SHROOM3: variants seen among roughly 807,000 people sequenced by gnomAD.
SHROOM3 encodes shroom family member 3.
SHROOM3 carries 47 observed loss-of-function variants against 138.6 expected under a neutral mutation model. The ratio of observed to expected loss-of-function variants is 0.34; its 90% CI spans 0.27 to 0.43. The LOEUF (loss-of-function observed/expected upper bound fraction) is 0.43. Among genes scored for constraint, SHROOM3 ranks in the 20% least tolerant of loss-of-function variants. SHROOM3 has a pLI of 1.00. For missense variants in SHROOM3, 2,491 were observed against 2,596.5 expected (o/e 0.96, Z 0.88); for synonymous variants, 1,062 against 1,063.3 (o/e 1.00, Z 0.02).
chr4:76,730,073 C>G (rs1219717036), intron 3 of SHROOM3, among the ~76,000 whole-genome samples: 2 of 152,230 alleles, frequency 1.3e-5, no homozygotes, highest in African/African-American at 4.8e-5. Context: ...CTCTGACTTT[C>G]TATAGTCCTT....
rs753467194 is a variant in SHROOM3, at chr4:76,740,820, G to A, written c.2647G>A (p.Ala883Thr). Reference sequence around the variant, plus strand: ...CGGCCGTGGCCCCCAGAGGCCGGACGCTCGGCTCCTCCGTAGCCAGAGCAC... The same window carrying A: ...CGGCCGTGGCCCCCAGAGGCCGGACACTCGGCTCCTCCGTAGCCAGAGCAC... ...DSGRGPQRPD[A>T]RLLRSQSTFQ... Residue 883 changes from alanine (A) to threonine (T), a missense_variant, in exon 5 of 11, where the codon GCT becomes ACT. By Grantham distance (58) the Ala-to-Thr change is moderately conservative (BLOSUM62 0). This residue lies in a region of SHROOM3 where 1,733 missense variants were observed against 1,661.6 expected (regional missense o/e 1.04). Coordinates refer to ENST00000296043, the MANE Select transcript of SHROOM3 (RefSeq NM_020859.4). This position sits in a 1 kb window ranked among gnomAD's most constrained non-coding sequence, Gnocchi z 4.0. 19 of 1,602,884 alleles carry A rather than the reference G, an allele frequency of 1.2e-5. No homozygotes were observed. Among genetic ancestry groups the A allele is most frequent in the Middle Eastern group, 1.7e-4 (1 of 5,888 alleles).
At position 76,555,623 on chromosome 4, in the gene SHROOM3, C is replaced by A. The variant is rs1733468435; in HGVS notation, c.183C>A (p.Gly61=). 6.2e-7 allele frequency: 1 copy of A among 1,613,710 alleles called. No individual in the cohort carries two copies. Among genetic ancestry groups the A allele is most frequent in the Non-Finnish European group, 8.5e-7 (1 of 1,179,992 alleles). Residue 61 remains glycine, a synonymous_variant, in exon 2 of 11, where the codon GGC becomes GGA. Transcript: ENST00000296043. ...PLIISKVEEG[G]KADTLSSKLQ... ...CCTCCAAGCAGGTCGAAGAAGGGGG[C>A]AAAGCAGACACCCTGAGCTCCAAAC... is the stretch of plus-strand genomic sequence containing the variant.
At chr4:76,625,157 TC>T (rs1244637631) in intron 2 of SHROOM3, among the ~76,000 whole-genome samples, 1 of 152,188 alleles carries the variant, frequency 6.6e-6, no homozygotes, top group African/African-American at 2.4e-5. Flanking sequence ...GGAACCAAAA[TC>T]ATTTCCAAAC....
chr4:76,638,692 A>AT (rs1213535847), intron 2 of SHROOM3: 2 of 152,134 alleles, frequency 1.3e-5, no homozygotes, highest in African/African-American at 4.8e-5. Flanking sequence ...ATTCCTTTTT[A>AT]TTTTTTCCTG....
chr4:76,689,350 GCGAGCGAGCGC>G (rs1212324567), intron 2 of SHROOM3, among the ~76,000 whole-genome samples: 3 of 127,892 alleles, frequency 2.3e-5, no homozygotes, highest in African/African-American at 5.6e-5. Flanking sequence ...TTACCTGGTG[GCGAGCGAGCGC>G]CGAGCCAGCG....
chr4:76,717,559 A>G (rs1720411203), intron 3 of SHROOM3, among the ~76,000 whole-genome samples: 1 of 150,780 alleles, frequency 6.6e-6, no homozygotes, highest in African/African-American at 2.4e-5. Flanking sequence ...CTTGCCTTTC[A>G]GTTTTGAAGG....
At chr4:76,445,169 A>G (rs1730780564) in intron 1 of SHROOM3, among the ~76,000 whole-genome samples, 1 of 152,096 alleles carries the variant, frequency 6.6e-6, no homozygotes, top group Admixed American at 6.5e-5. Flanking sequence ...AAGCTATGCA[A>G]TAGTGCTTTG....
chr4:76,598,325 C>CA (rs1279421264), intron 2 of SHROOM3, among the ~76,000 whole-genome samples: 2 of 152,014 alleles, frequency 1.3e-5, no homozygotes, highest in Admixed American at 6.6e-5. Flanking sequence ...CACACCTGGC[C>CA]AAAAAATCTA....
At chr4:76,629,699 A>C (rs1560571344) in intron 2 of SHROOM3, among the ~76,000 whole-genome samples, 1 of 152,192 alleles carries the variant, frequency 6.6e-6, no homozygotes. Flanking sequence ...GGAATGCTCA[A>C]TGTGGGGTGA....
chr4:76,475,457 C>T (rs28584645), intron 1 of SHROOM3, among the ~76,000 whole-genome samples: 2 of 152,110 alleles, frequency 1.3e-5, no homozygotes, highest in African/African-American at 4.8e-5. Context: ...AGACACAAGA[C>T]TTTTGGGTCA....
chr4:76,774,497 T>G (rs1722475326), intron 10 of SHROOM3, among the ~76,000 whole-genome samples: 1 of 152,114 alleles, frequency 6.6e-6, no homozygotes, highest in Non-Finnish European at 1.5e-5. Context: ...ATTTTTTTAA[T>G]CTGCAGCCAA....
chr4:76,642,097 C>G (rs148924831), intron 2 of SHROOM3, among the ~76,000 whole-genome samples: 29 of 152,278 alleles, frequency 1.9e-4, no homozygotes, highest in African/African-American at 7.0e-4. Flanking sequence ...TTGTTTCTAT[C>G]TTTGGGCCCC....
At chr4:76,724,623 T>C (rs1303302264) in intron 3 of SHROOM3, among the ~76,000 whole-genome samples, 6 of 152,222 alleles carry the variant, frequency 3.9e-5, no homozygotes, top group Non-Finnish European at 8.8e-5. Flanking sequence ...GTTTCTTAAG[T>C]GTCCTTCCAA....
At chr4:76,501,376 A>G (rs1023638077) in intron 1 of SHROOM3, among the ~76,000 whole-genome samples, 10 of 152,206 alleles carry the variant, frequency 6.6e-5, no homozygotes, top group African/African-American at 2.4e-4. Flanking sequence ...ACAGTCCCTG[A>G]TACAGAGCTC....
At chr4:76,573,029 T>C (rs1733862647) in intron 2 of SHROOM3, among the ~76,000 whole-genome samples, 1 of 151,268 alleles carries the variant, frequency 6.6e-6, no homozygotes, top group African/African-American at 2.4e-5. Context: ...TGCAGTGAGC[T>C]GAGATTGCAC....
chr4:76,740,788 C>A lies in SHROOM3; in HGVS notation c.2615C>A (p.Ser872Ter), dbSNP rs370811380. ...GGTCAGCAGCTGAGCGGAGGAGCGT[C>A]GGACAGCGGCCGTGGCCCCCAGAGG... ...PCGQQLSGGASDSGRGPQRPD... is the reference protein window; with the variant it reads ...PCGQQLSGGA Residue 872 changes from serine to a stop codon, truncating the protein, a stop_gained, in exon 5 of 11, where the codon TCG becomes TAG. Coordinates refer to ENST00000296043, the MANE Select transcript of SHROOM3 (RefSeq NM_020859.4). LOFTEE classifies it high-confidence loss of function. This position sits in a 1 kb window ranked among gnomAD's most constrained non-coding sequence, Gnocchi z 4.0. 6 of 1,611,204 alleles carry A rather than the reference C, an allele frequency of 3.7e-6. No individual in the cohort carries two copies. In the South Asian group the frequency reaches 6.6e-5, roughly 18 times the overall value.
intron 2 of SHROOM3, among the ~76,000 whole-genome samples, chr4:76,592,141 G>A (rs547418416): frequency 3.3e-5 from 5 of 152,150 alleles, no homozygotes; most frequent in African/African-American, 1.2e-4. Flanking sequence ...AGCCTTGAAG[G>A]TTACCTAGGG....
At chr4:76,770,584 C>A (rs755451230) in intron 9 of SHROOM3, 42 bp from the exon 10 acceptor site, 1 of 1,610,458 alleles carries the variant, frequency 6.2e-7, no homozygotes, top group Non-Finnish European at 8.5e-7. Context: ...TCCACTGGCA[C>A]CTCCTGTTGG....
At position 76,739,320 on chromosome 4, in the gene SHROOM3, C is replaced by A. The variant is rs1043202472; in HGVS notation, c.1147C>A (p.Pro383Thr). ...TDNLPPKVGA[P>T]LPPARSDSYA... is the part of the protein sequence containing the mutation. ...CAACCTTCCTCCTAAGGTGGGTGCA[C>A]CCCTGCCTCCAGCTCGGAGTGACAG... Residue 383 changes from proline (P) to threonine (T), a missense_variant, in exon 5 of 11, where the codon CCC becomes ACC. Physicochemically the swap from Pro to Thr is conservative, Grantham distance 38. Transcript: ENST00000296043. 1 of 1,613,920 alleles carries A rather than the reference C, an allele frequency of 6.2e-7. No individual in the cohort carries two copies. The highest frequency in any genetic ancestry group is 1.3e-5 in the African/African-American group (1 of 75,058).
Sources: gnomAD v4.1 joint callset for allele counts (sites outside exome capture counted in the v4.1 genomes callset) on GRCh38, gnomAD v4.1.1 for gene constraint, gnomAD v4.1.1 regional missense constraint, Gnocchi (gnomAD v3.1) non-coding constraint, MANE v1.5 for transcripts, NCBI Gene and HGNC (gene_info 2026-07-23, HGNC 2026-07-21) for gene names.